Variants in MTMR7 observed in about 807,000 individuals in gnomAD.
MTMR7 encodes the protein myotubularin related protein 7, also known as phosphatidylinositol-3-phosphate phosphatase MTMR7.
Under a neutral mutation model 81.2 loss-of-function variants are expected in MTMR7, and 76 were observed. The ratio of observed to expected loss-of-function variants is 0.94; its 90% CI spans 0.78 to 1.13. The LOEUF is 1.13. MTMR7 is among the 50% of genes most tolerant of loss of function. The pLI is 0.00. For missense variants in MTMR7, 1,044 were observed against 820.0 expected, an observed-to-expected ratio of 1.27 and a Z score of -3.34; for synonymous variants, 372 against 289.8, an observed-to-expected ratio of 1.28 and a Z score of -2.88.
chr8:17,353,736 G>C (rs1022580144), intron 4 of MTMR7, among the ~76,000 whole-genome samples: 1 of 152,216 alleles, frequency 6.6e-6, no homozygotes, highest in Non-Finnish European at 1.5e-5. Flanking sequence ...AAGTGGATTA[G>C]TCAGTTAATC....
chr8:17,335,429 A>AG (rs1385034010), intron 6 of MTMR7, among the ~76,000 whole-genome samples: 1 of 152,150 alleles, frequency 6.6e-6, no homozygotes, highest in Admixed American at 6.5e-5. Context: ...AATGTAGAAA[A>AG]ACTCAGTCTG....
chr8:17,308,751 A>T (rs1311236901), intron 10 of MTMR7, among the ~76,000 whole-genome samples: 2 of 152,166 alleles, frequency 1.3e-5, no homozygotes, highest in Non-Finnish European at 2.9e-5. Flanking sequence ...ACCAAAGGTC[A>T]GACAGCCCAG....
At position 17,298,186 on chromosome 8, in the gene MTMR7, G is replaced by A. The variant is rs1384807507; in HGVS notation, c.*1676C>T. 1 of 152,000 alleles carries A rather than the reference G, an allele frequency of 6.6e-6. No individual in the cohort carries two copies. The highest frequency in any genetic ancestry group is 1.5e-5 in the Non-Finnish European group (1 of 67,908). 9.4% of individuals were successfully genotyped at this position (152,000 alleles called of 1,614,324 possible). A position where few individuals can be genotyped will look rare whatever the true frequency, so the allele number is the denominator to read the frequency against. ...GAGTTATGTTATGTTATAAAAATGT[G>A]AAAGCCATTACCACTATATCCTAAG... On this transcript the variant is annotated 3_prime_UTR_variant, in exon 14 of 14. Coordinates refer to ENST00000180173, the MANE Select transcript of MTMR7 (RefSeq NM_004686.5).
At chr8:17,365,705 T>G (rs1037964642) in intron 3 of MTMR7, among the ~76,000 whole-genome samples, 1 of 152,194 alleles carries the variant, frequency 6.6e-6, no homozygotes, top group Non-Finnish European at 1.5e-5. Context: ...GCACCTTTAA[T>G]TTTTAAAAAA....
intron 1 of MTMR7, among the ~76,000 whole-genome samples, chr8:17,412,577 G>C (rs1198142736): frequency 6.6e-6 from 1 of 152,136 alleles, no homozygotes; most frequent in South Asian, 2.1e-4. Context: ...GAGTGATCAG[G>C]GACCATTTGC....
At position 17,408,395 on chromosome 8, in the gene MTMR7, C is replaced by CAAAAAAAA. The variant is rs530240881; in HGVS notation, c.24+4866_24+4873dup. On this transcript the variant is annotated intron_variant, in intron 1 of 13. Transcript: ENST00000180173. ...TGGGCGACAGAGCGAGACTCCGTCT[C>CAAAAAAAA]AAAAAAAAAAAAAAAAAAAAAAAGA... 3.8e-3 allele frequency among the ~76,000 whole-genome samples: 90 copies of CAAAAAAAA among 23,480 alleles called. 4 individuals carry two copies. Among genetic ancestry groups the CAAAAAAAA allele is most frequent in the East Asian group, 0.012 (6 of 496 alleles). The allele number at this position is 23,480 out of a possible 152,430, so 15.4% of individuals were successfully genotyped here.
At chr8:17,364,334 A>T (rs1173023660) in intron 3 of MTMR7, among the ~76,000 whole-genome samples, 2 of 152,102 alleles carry the variant, frequency 1.3e-5, no homozygotes, top group Non-Finnish European at 2.9e-5. Flanking sequence ...CGCCCGGTCA[A>T]AAAGTGATGT....
chr8:17,372,029 C>T lies in MTMR7; in HGVS notation c.148-830G>A, dbSNP rs74872992. On this transcript the variant is annotated intron_variant, in intron 2 of 13. Coordinates refer to ENST00000180173, the MANE Select transcript of MTMR7 (RefSeq NM_004686.5). ...AATCAATATCTCCTCATTCCCTCCC[C>T]CTCCTCTGCACTCCCAGCCTCTGGT... Among the ~76,000 whole-genome samples, 3,984 of 152,092 alleles carry T rather than the reference C, an allele frequency of 0.026. 447 individuals are homozygous for T. The East Asian group carries it at 0.31, about 12-fold the overall frequency.
intron 6 of MTMR7, among the ~76,000 whole-genome samples, chr8:17,333,213 G>A (rs193281707): frequency 1.3e-5 from 2 of 152,216 alleles, no homozygotes; most frequent in Admixed American, 6.5e-5. Context: ...GGCATGCTAC[G>A]AGAATAAAGA....
intron 3 of MTMR7, among the ~76,000 whole-genome samples, chr8:17,364,754 T>C (rs187928659): frequency 6.6e-5 from 10 of 152,374 alleles, no homozygotes; most frequent in African/African-American, 2.2e-4. Context: ...ATGTCTTCCT[T>C]TTTAAGGCTG....
chr8:17,348,563 A>AAAC (rs1819633184), intron 5 of MTMR7, among the ~76,000 whole-genome samples: 1 of 151,204 alleles, frequency 6.6e-6, no homozygotes, highest in African/African-American at 2.4e-5. Context: ...AAAAAAAAAA[A>AAAC]AAAAACGTAA....
intron 7 of MTMR7, among the ~76,000 whole-genome samples, chr8:17,328,501 G>C (rs1040770767): frequency 3.3e-5 from 5 of 152,038 alleles, no homozygotes; most frequent in Non-Finnish European, 4.4e-5. Context: ...TCACTTAAAA[G>C]TGGGAGCTGA....
Position 17,305,887 on chromosome 8 carries a change from G to A in MTMR7, c.1222C>T (p.Gln408Ter). The change falls in exon 11 of 14, where the codon CAG becomes TAG. Residue 408 changes from glutamine (Q) to a stop codon, truncating the protein, a stop_gained. Transcript: ENST00000180173. LOFTEE classifies it high-confidence loss of function. ...GCACAGGGAAATTGTTCCATTAACT[G>A]CCAAACACACTCAATGAACTGGTCA... ...VIDQFIECVW[Q>*]LMEQFPCAFE... 6.2e-7 allele frequency: 1 copy of A among 1,613,650 alleles called. No homozygotes were observed. The highest frequency in any genetic ancestry group is 1.1e-5 in the South Asian group (1 of 91,068).
chr8:17,363,042 G>C (rs1047747138), intron 3 of MTMR7, among the ~76,000 whole-genome samples: 2 of 152,310 alleles, frequency 1.3e-5, no homozygotes, highest in South Asian at 4.1e-4. Flanking sequence ...TCAAAACTTA[G>C]AGTACGGACT....
rs553763374 is a variant in MTMR7, at chr8:17,343,707, C to T, written c.598-2210G>A. On this transcript the variant is annotated intron_variant, in intron 5 of 13. Transcript: ENST00000180173. ...AATGTGGTCGATAAATTAAAACACG[C>T]ATATTAAACAGACTACATTTTTGGT... Among the ~76,000 whole-genome samples, 3 of 152,290 alleles carry T rather than the reference C, an allele frequency of 2.0e-5. No homozygotes were observed. In the South Asian group the frequency reaches 6.2e-4, roughly 32 times the overall value.
intron 7 of MTMR7, among the ~76,000 whole-genome samples, chr8:17,328,160 T>C (rs1244305960): frequency 6.6e-6 from 1 of 152,142 alleles, no homozygotes; most frequent in Non-Finnish European, 1.5e-5. Flanking sequence ...GGCAAGTTGA[T>C]TGGCAGAGGA....
rs748364244 is a variant in MTMR7 at position 17,299,727 on chromosome 8, T to C, written c.*135A>G. 9.0e-5 allele frequency: 114 copies of C among 1,273,026 alleles called. No homozygotes were observed. The highest frequency in any genetic ancestry group is 1.1e-4 in the Non-Finnish European group (106 of 925,878). 78.9% of individuals were successfully genotyped at this position (1,273,026 alleles called of 1,614,324 possible). A position where few individuals can be genotyped will look rare whatever the true frequency, so the allele number is the denominator to read the frequency against. On this transcript the variant is annotated 3_prime_UTR_variant, in exon 14 of 14. Coordinates refer to ENST00000180173, the MANE Select transcript of MTMR7 (RefSeq NM_004686.5). The stretch of plus-strand genomic sequence containing the variant: ...AGAAATCAAGAACTGGGCACTTTTT[T>C]CCCTTTTCATAGCTGCATTAAAGTA...
rs1030804974 is a variant in MTMR7, at chr8:17,361,009, A to G, written c.468+108T>C. On this transcript the variant is annotated intron_variant, in intron 4 of 13. Coordinates refer to ENST00000180173, the MANE Select transcript of MTMR7 (RefSeq NM_004686.5). ...GAGAGACCTGGAAATCCACATATGG[A>G]TATCTACAAAGAGCTATAAAACCTG... 1.2e-5 allele frequency: 14 copies of G among 1,212,188 alleles called. No homozygotes were observed. The South Asian group carries it at 1.7e-4, about 14-fold the overall frequency. The allele number at this position is 1,212,188 out of a possible 1,614,324, so 75.1% of individuals were successfully genotyped here.
intron 7 of MTMR7, among the ~76,000 whole-genome samples, chr8:17,325,159 A>AGT (rs1818618043): frequency 6.6e-6 from 1 of 151,926 alleles, no homozygotes. Flanking sequence ...AAGCAGAGAG[A>AGT]ACTATTTCAG....
Sources: gnomAD v4.1 joint callset for allele counts (sites outside exome capture counted in the v4.1 genomes callset) on GRCh38, gnomAD v4.1.1 for gene constraint, MANE v1.5 for transcripts, NCBI Gene and HGNC (gene_info 2026-07-23, HGNC 2026-07-21) for gene names.